The following UNC5D variants were observed in gnomAD, a reference collection of about 807,000 sequenced individuals.
The protein encoded by UNC5D is unc-5 netrin receptor D.
A neutral mutation model predicts 105.4 loss-of-function variants in UNC5D; 39 were observed. That is an observed-to-expected ratio of 0.37 (90% CI 0.29 to 0.48). The LOEUF (loss-of-function observed/expected upper bound fraction) is 0.48, where lower values mean the gene tolerates loss of function less well. Among genes scored for constraint, UNC5D ranks in the 20% least tolerant of loss-of-function variants. UNC5D has a pLI of 0.98. For synonymous variants in UNC5D, 452 were observed against 450.4 expected, an observed-to-expected ratio of 1.00 and a Z score of -0.04; for missense variants, 991 against 1,202.4, an observed-to-expected ratio of 0.82 and a Z score of 2.60.
At chr8:35,751,471 T>C (rs1563733815) in intron 13 of UNC5D, among the ~76,000 whole-genome samples, 1 of 152,242 alleles carries the variant, frequency 6.6e-6, no homozygotes, top group Non-Finnish European at 1.5e-5. Flanking sequence ...GAAAGGGCTG[T>C]TATTGTCTTT....
chr8:35,296,715 C>T (rs1310581430), intron 1 of UNC5D, among the ~76,000 whole-genome samples: 1 of 152,150 alleles, frequency 6.6e-6, no homozygotes, highest in African/African-American at 2.4e-5. Context: ...GCCACCATGC[C>T]TGGCCGTGGT....
rs143857832 is a variant in UNC5D, at chr8:35,776,675, A to G, written c.2657+2198A>G. On this transcript the variant is annotated intron_variant, in intron 16 of 16. Transcript: ENST00000404895. ...CCATCTCCAGGAAAATTTTTTTGAC[A>G]TAATTCATATAACCTATTTCATAGA... 5.2e-4 allele frequency among the ~76,000 whole-genome samples: 79 copies of G among 152,316 alleles called. No homozygotes were observed. The East Asian group carries it at 0.012, about 24-fold the overall frequency.
intron 1 of UNC5D, among the ~76,000 whole-genome samples, chr8:35,505,623 G>T (rs1812260943): frequency 6.6e-6 from 1 of 152,264 alleles, no homozygotes; most frequent in South Asian, 2.1e-4. Flanking sequence ...AGCAATTGCA[G>T]TGAGTGGGGA....
chr8:35,271,662 TATACA>T (rs1805356554), intron 1 of UNC5D, among the ~76,000 whole-genome samples: 1 of 56,252 alleles, frequency 1.8e-5, no homozygotes, highest in East Asian at 7.1e-4. Flanking sequence ...TACCTATATT[TATACA>T]GGTATACATA....
chr8:35,556,737 C>T (rs2130729981), intron 2 of UNC5D, among the ~76,000 whole-genome samples: 1 of 152,286 alleles, frequency 6.6e-6, no homozygotes, highest in South Asian at 2.1e-4. Context: ...TGCCTTTGTT[C>T]TCCAGATATC....
At chr8:35,401,729 A>C (rs1432867639) in intron 1 of UNC5D, among the ~76,000 whole-genome samples, 1 of 152,186 alleles carries the variant, frequency 6.6e-6, no homozygotes, top group Non-Finnish European at 1.5e-5. Context: ...ATCCCTGTGC[A>C]CCAGGTTCAT....
In UNC5D at chr8:35,761,812, T is replaced by C. The variant is rs1393319002; in HGVS notation, c.2313+2343T>C. On this transcript the variant is annotated intron_variant, in intron 14 of 16. Transcript: ENST00000404895. ...CATATTGTGCTTGGCTTAATGACCA[T>C]GCTGTGTTTGCTCTGGGCATTAGAT... is the stretch of plus-strand genomic sequence containing the variant. Among the ~76,000 whole-genome samples, 3 of 152,272 alleles carry C rather than the reference T, an allele frequency of 2.0e-5. No homozygotes were observed. In the East Asian group the frequency reaches 5.8e-4, roughly 30 times the overall value.
intron 1 of UNC5D, among the ~76,000 whole-genome samples, chr8:35,428,481 C>T (rs1484030622): frequency 6.6e-6 from 1 of 151,736 alleles, no homozygotes; most frequent in East Asian, 2.0e-4. Context: ...CCACTGCCCC[C>T]CGGCCAAATC....
intron 1 of UNC5D, among the ~76,000 whole-genome samples, chr8:35,364,560 T>TGG (rs1228603129): frequency 2.6e-5 from 4 of 152,172 alleles, no homozygotes; most frequent in Non-Finnish European, 5.9e-5. Context: ...AAACCATGGT[T>TGG]GGGGAGTAAG....
chr8:35,537,862 A>ATTTATT (rs1701569073), intron 1 of UNC5D, among the ~76,000 whole-genome samples: 2 of 151,910 alleles, frequency 1.3e-5, no homozygotes, highest in Non-Finnish European at 2.9e-5. Context: ...TCACAGCTTC[A>ATTTATT]TTTATTTTTA....
chr8:35,478,765 G>A (rs1190314114), intron 1 of UNC5D, among the ~76,000 whole-genome samples: 3 of 152,118 alleles, frequency 2.0e-5, no homozygotes, highest in Admixed American at 1.3e-4. Flanking sequence ...CAAGTGTGAG[G>A]TATCTGAGGA....
intron 2 of UNC5D, among the ~76,000 whole-genome samples, chr8:35,555,694 C>T (rs376670827): frequency 3.6e-4 from 55 of 151,918 alleles, no homozygotes; most frequent in Admixed American, 1.4e-3. Flanking sequence ...GCCGTGGTGG[C>T]GCACACCTGT....
intron 1 of UNC5D, among the ~76,000 whole-genome samples, chr8:35,264,729 C>CA (rs6150548): frequency 0.052 from 7,295 of 140,486 alleles, 180 homozygotes; most frequent in Non-Finnish European, 0.074. Flanking sequence ...GACTCTGTCT[C>CA]AAAAAAAAAA....
chr8:35,782,393 T>C (rs2131778317), intron 16 of UNC5D, among the ~76,000 whole-genome samples: 1 of 152,330 alleles, frequency 6.6e-6, no homozygotes, highest in South Asian at 2.1e-4. Flanking sequence ...ATGTTTCAAT[T>C]CCCTATCTGG....
At chr8:35,609,678 A>G (rs974329058) in intron 4 of UNC5D, among the ~76,000 whole-genome samples, 1 of 152,188 alleles carries the variant, frequency 6.6e-6, no homozygotes, top group African/African-American at 2.4e-5. Context: ...GTGTTTAGAA[A>G]CTGGTCAGTC....
intron 1 of UNC5D, among the ~76,000 whole-genome samples, chr8:35,305,505 T>G (rs1038575804): frequency 5.3e-5 from 8 of 152,236 alleles, no homozygotes; most frequent in Admixed American, 5.2e-4. Context: ...TGTGAGCCAC[T>G]TTGATACCAA....
chr8:35,303,112 G>A (rs952395127), intron 1 of UNC5D, among the ~76,000 whole-genome samples: 3 of 152,034 alleles, frequency 2.0e-5, no homozygotes, highest in South Asian at 2.1e-4. Flanking sequence ...TATTAATGAG[G>A]TATTTTTCTT....
At chr8:35,259,658 T>G (rs762516650) in intron 1 of UNC5D, among the ~76,000 whole-genome samples, 2 of 152,106 alleles carry the variant, frequency 1.3e-5, no homozygotes, top group Non-Finnish European at 2.9e-5. Context: ...TTTTACCCTT[T>G]GAAAATATAA....
chr8:35,432,445 G>T (rs1340368487), intron 1 of UNC5D, among the ~76,000 whole-genome samples: 1 of 152,050 alleles, frequency 6.6e-6, no homozygotes, highest in Non-Finnish European at 1.5e-5. Flanking sequence ...AGGCTGGCTT[G>T]AGGTGCTGTC....
Sources: allele counts gnomAD v4.1 joint callset (sites outside exome capture counted in the v4.1 genomes callset), GRCh38; gene constraint gnomAD v4.1.1; transcripts MANE v1.5; gene names NCBI Gene and HGNC (gene_info 2026-07-23, HGNC 2026-07-21).